Variants in ENOX1 observed in about 807,000 individuals in gnomAD.
ENOX1 encodes the protein candidate growth-related and time keeping constitutive hydroquinone (NADH) oxidase.
Under a neutral mutation model 82.5 loss-of-function variants are expected in ENOX1, and 42 were observed. That is an observed-to-expected ratio of 0.51 (90% CI 0.40 to 0.66). The LOEUF (loss-of-function observed/expected upper bound fraction) is 0.66, where lower values mean the gene tolerates loss of function less well. Ranked by LOEUF, ENOX1 falls within the 30% of genes least tolerant of loss-of-function variation. ENOX1 has a pLI of 0.00. For synonymous variants in ENOX1, 271 were observed against 282.2 expected (o/e 0.96, Z 0.40); for missense variants, 608 against 811.6 (o/e 0.75, Z 3.05).
chr13:43,720,363 C>T (rs922621090), intron 1 of ENOX1, among the ~76,000 whole-genome samples: 3 of 152,180 alleles, frequency 2.0e-5, no homozygotes, highest in African/African-American at 4.8e-5. Flanking sequence ...TACGGAAGCC[C>T]GTTCAATGCC....
At position 43,359,787 on chromosome 13, in the gene ENOX1, G is replaced by A. The variant is rs2050378573; in HGVS notation, c.589+64C>T. The stretch of plus-strand genomic sequence containing the variant: ...TTTGCATGAAGGCCAAAGGGAATAA[G>A]CTCATATTAACATCACAAAACATAA... On this transcript the variant is annotated intron_variant, in intron 7 of 16. Transcript: ENST00000690772. 9.0e-6 allele frequency: 13 copies of A among 1,450,772 alleles called. No homozygotes were observed. The East Asian group carries it at 2.0e-4, about 23-fold the overall frequency. 89.9% of individuals were successfully genotyped at this position (1,450,772 alleles called of 1,614,324 possible).
chr13:43,290,793 G>A (rs2045959070), intron 12 of ENOX1, among the ~76,000 whole-genome samples: 1 of 152,208 alleles, frequency 6.6e-6, no homozygotes, highest in Non-Finnish European at 1.5e-5. Context: ...TTGGGAGGTT[G>A]AGGCGGGCAG....
chr13:43,485,262 G>A (rs2076374579), intron 2 of ENOX1, among the ~76,000 whole-genome samples: 2 of 152,084 alleles, frequency 1.3e-5, no homozygotes, highest in African/African-American at 4.8e-5. Context: ...CCCACCACCA[G>A]CTGTCCCAGT....
intron 2 of ENOX1, among the ~76,000 whole-genome samples, chr13:43,508,813 A>G (rs2077267281): frequency 6.6e-6 from 1 of 152,082 alleles, no homozygotes; most frequent in Non-Finnish European, 1.5e-5. Context: ...ACATAGAAAC[A>G]GCTAAAAAAA....
Position 43,706,511 on chromosome 13 carries a change from C to CA in ENOX1, c.-284-38968dup, listed in dbSNP as rs1480008660. On this transcript the variant is annotated intron_variant, in intron 1 of 16. Coordinates refer to ENST00000690772, the MANE Select transcript of ENOX1 (RefSeq NM_001347969.2). Reference sequence around the variant, plus strand: ...GTAAAAGCTGTAACAAAATATTAAGCAAATCAAGCCCAGTAATACATAAAC... The same window carrying CA: ...GTAAAAGCTGTAACAAAATATTAAGCAAAATCAAGCCCAGTAATACATAAAC... Among the ~76,000 whole-genome samples, 13 of 151,984 alleles carry CA rather than the reference C, an allele frequency of 8.6e-5. No individual in the cohort carries two copies. The East Asian group carries it at 2.3e-3, about 27-fold the overall frequency.
At chr13:43,452,242 G>C (rs1337177643) in intron 3 of ENOX1, among the ~76,000 whole-genome samples, 1 of 152,010 alleles carries the variant, frequency 6.6e-6, no homozygotes, top group Non-Finnish European at 1.5e-5. Context: ...ATCTACATTA[G>C]GTATTTCTCC....
intron 3 of ENOX1, among the ~76,000 whole-genome samples, chr13:43,432,560 T>C (rs2055740863): frequency 6.6e-6 from 1 of 152,140 alleles, no homozygotes; most frequent in Admixed American, 6.5e-5. Context: ...CGAGAATTGC[T>C]TGAGCCTGGG....
chr13:43,317,722 C>T lies in ENOX1; in HGVS notation c.1261+4662G>A, dbSNP rs149448012. ...TAGTGAAATTAAAAAAAAAAAATTC[C>T]GGGCCAGGCGTGGTGGCTCATGCCT... On this transcript the variant is annotated intron_variant, in intron 11 of 16. Coordinates refer to ENST00000690772, the MANE Select transcript of ENOX1 (RefSeq NM_001347969.2). Among the ~76,000 whole-genome samples, 431 of 151,738 alleles carry T rather than the reference C, an allele frequency of 2.8e-3. 4 individuals are homozygous for T. The highest frequency in any genetic ancestry group is 9.8e-3 in the African/African-American group (405 of 41,400).
At chr13:43,748,176 C>G (rs913983611) in intron 1 of ENOX1, among the ~76,000 whole-genome samples, 1 of 152,148 alleles carries the variant, frequency 6.6e-6, no homozygotes, top group Non-Finnish European at 1.5e-5. Context: ...TAATCGGCTC[C>G]TTGTCATTCT....
At chr13:43,308,692 C>T (rs2047008582) in intron 11 of ENOX1, among the ~76,000 whole-genome samples, 1 of 152,158 alleles carries the variant, frequency 6.6e-6, no homozygotes, top group South Asian at 2.1e-4. Flanking sequence ...TTTAATAACA[C>T]CGATGCCTGG....
chr13:43,478,047 C>A (rs1182558413), intron 3 of ENOX1, among the ~76,000 whole-genome samples: 3 of 143,572 alleles, frequency 2.1e-5, no homozygotes, highest in African/African-American at 7.8e-5. Context: ...GGCAAGGAGC[C>A]AGAGAGGTTT....
intron 3 of ENOX1, among the ~76,000 whole-genome samples, chr13:43,466,938 T>C (rs2057752449): frequency 6.6e-6 from 1 of 152,218 alleles, no homozygotes; most frequent in Non-Finnish European, 1.5e-5. Context: ...GTTTATCCAT[T>C]TTGTAGCATG....
chr13:43,622,143 A>C (rs1296561503), intron 2 of ENOX1, among the ~76,000 whole-genome samples: 1 of 151,658 alleles, frequency 6.6e-6, no homozygotes, highest in African/African-American at 2.4e-5. Flanking sequence ...TCCTCCCTTC[A>C]CTTCTTCTAT....
chr13:43,694,903 C>T (rs915519163), intron 1 of ENOX1, among the ~76,000 whole-genome samples: 8 of 152,180 alleles, frequency 5.3e-5, no homozygotes, highest in African/African-American at 1.9e-4. Flanking sequence ...TAATTGTCTG[C>T]TGCATTTTGT....
intron 1 of ENOX1, among the ~76,000 whole-genome samples, chr13:43,761,101 A>G (rs1250263204): frequency 6.6e-6 from 1 of 152,008 alleles, no homozygotes; most frequent in Non-Finnish European, 1.5e-5. Flanking sequence ...AAAGTCACAG[A>G]AAGAGGCCCA....
chr13:43,725,476 G>C (rs564904794), intron 1 of ENOX1, among the ~76,000 whole-genome samples: 2 of 152,226 alleles, frequency 1.3e-5, no homozygotes, highest in East Asian at 1.9e-4. Flanking sequence ...AGTTAAAACA[G>C]TATCAGCCAA....
At chr13:43,331,799 A>G (rs998336048) in intron 9 of ENOX1, among the ~76,000 whole-genome samples, 8 of 152,192 alleles carry the variant, frequency 5.3e-5, no homozygotes, top group African/African-American at 1.9e-4. Context: ...GAGAAGCGGT[A>G]TGTGTCGGAC....
intron 1 of ENOX1, among the ~76,000 whole-genome samples, chr13:43,695,567 C>G (rs2086598891): frequency 6.6e-6 from 1 of 151,580 alleles, no homozygotes; most frequent in South Asian, 2.1e-4. Flanking sequence ...CCAGCCTCAG[C>G]CTCCTGAGTA....
chr13:43,732,367 T>C (rs1023575324), intron 1 of ENOX1, among the ~76,000 whole-genome samples: 1 of 152,250 alleles, frequency 6.6e-6, no homozygotes, highest in Non-Finnish European at 1.5e-5. Flanking sequence ...TCACACTGTT[T>C]GTTCATGAGA....
Sources: allele counts gnomAD v4.1 joint callset (sites outside exome capture counted in the v4.1 genomes callset), GRCh38; gene constraint gnomAD v4.1.1; transcripts MANE v1.5; gene names NCBI Gene and HGNC (gene_info 2026-07-23, HGNC 2026-07-21).